The following OPRD1 variants were observed in gnomAD, a reference collection of about 807,000 sequenced individuals.
The protein encoded by OPRD1 is opioid receptor delta 1.
Under a neutral mutation model 17.5 loss-of-function variants are expected in OPRD1, and 19 were observed. The ratio of observed to expected loss-of-function variants is 1.09; its 90% CI spans 0.76 to 1.60. The LOEUF is 1.60. Among genes scored for constraint, OPRD1 ranks in the 40% most tolerant of loss-of-function variants. OPRD1 has a pLI of 0.00. For missense variants in OPRD1, 483 were observed against 547.2 expected, an observed-to-expected ratio of 0.88 and a Z score of 1.17; for synonymous variants, 256 against 240.9, an observed-to-expected ratio of 1.06 and a Z score of -0.58.
At chr1:28,852,157 C>A in intron 1 of OPRD1, among the ~76,000 whole-genome samples, 1 of 98,826 alleles carries the variant, frequency 1.0e-5, no homozygotes, top group East Asian at 3.6e-4. Flanking sequence ...ACAGAGCAAA[C>A]TCCATGTAAA....
chr1:28,869,760 C>T lies in OPRD1; in HGVS notation c.*6477C>T, dbSNP rs528872838. ...ACCGAGGGTCCTCAGGAGACTCTCA[C>T]ATCCAGCTCACAGTCACAGGCTGAG... is the stretch of plus-strand genomic sequence containing the variant. On this transcript the variant is annotated 3_prime_UTR_variant, in exon 3 of 3. Transcript: ENST00000234961. 3.9e-5 allele frequency: 6 copies of T among 152,344 alleles called. No homozygotes were observed. The highest frequency in any genetic ancestry group is 1.2e-4 in the African/African-American group (5 of 41,568). 9.4% of individuals were successfully genotyped at this position (152,344 alleles called of 1,614,324 possible). A position where few individuals can be genotyped will look rare whatever the true frequency, so the allele number is the denominator to read the frequency against.
intron 1 of OPRD1, among the ~76,000 whole-genome samples, chr1:28,855,015 G>A (rs548692578): frequency 1.6e-4 from 25 of 152,230 alleles, no homozygotes; most frequent in Non-Finnish European, 2.6e-4. Flanking sequence ...CAAAATGGAC[G>A]AAGTCTTCTG....
Position 28,863,107 on chromosome 1 carries a change from C to A in OPRD1, c.943C>A (p.Pro315Thr). The part of the protein sequence containing the change: ...ALGYANSSLN[P>T]VLYAFLDENF... ...GGGCTACGCCAATAGCAGCCTCAAC[C>A]CCGTGCTCTACGCTTTCCTCGACGA... Residue 315 changes from proline to threonine, a missense_variant, in exon 3 of 3, where the codon CCC becomes ACC. Transcript: ENST00000234961. 6.2e-7 allele frequency: 1 copy of A among 1,610,512 alleles called. No individual in the cohort carries two copies. The highest frequency in any genetic ancestry group is 8.5e-7 in the Non-Finnish European group (1 of 1,179,198).
chr1:28,815,205 T>G (rs980257411), intron 1 of OPRD1, among the ~76,000 whole-genome samples: 1 of 152,158 alleles, frequency 6.6e-6, no homozygotes, highest in Non-Finnish European at 1.5e-5. Context: ...CTCGACCTCC[T>G]GGGCTTAATG....
intron 1 of OPRD1, among the ~76,000 whole-genome samples, chr1:28,821,532 C>A (rs1172554536): frequency 6.6e-6 from 1 of 152,130 alleles, no homozygotes; most frequent in Non-Finnish European, 1.5e-5. Flanking sequence ...GCCGACACAC[C>A]CAGCTTTGTT....
At chr1:28,860,207 G>C (rs204081) in intron 2 of OPRD1, among the ~76,000 whole-genome samples, 2 of 151,870 alleles carry the variant, frequency 1.3e-5, no homozygotes. Context: ...TTTACTAAAA[G>C]TACAAAAATT....
intron 2 of OPRD1, among the ~76,000 whole-genome samples, chr1:28,862,515 G>A (rs1370705578): frequency 6.6e-6 from 1 of 152,170 alleles, no homozygotes; most frequent in Non-Finnish European, 1.5e-5. Flanking sequence ...AGAACATAGG[G>A]GACCTCCCTG....
chr1:28,847,315 G>T (rs2088962723), intron 1 of OPRD1, among the ~76,000 whole-genome samples: 1 of 151,992 alleles, frequency 6.6e-6, no homozygotes, highest in African/African-American at 2.4e-5. Context: ...GCCTCCCAAA[G>T]TGCTGGGATT....
At chr1:28,846,782 G>A (rs993562973) in intron 1 of OPRD1, among the ~76,000 whole-genome samples, 1 of 151,496 alleles carries the variant, frequency 6.6e-6, no homozygotes, top group Non-Finnish European at 1.5e-5. Context: ...AGGCCCCATT[G>A]TATTTATTCA....
chr1:28,857,561 T>A (rs1357415656), intron 1 of OPRD1, among the ~76,000 whole-genome samples: 1 of 151,892 alleles, frequency 6.6e-6, no homozygotes, highest in African/African-American at 2.4e-5. Context: ...CTCTGCCTCC[T>A]GGGCTCAAGC....
intron 1 of OPRD1, among the ~76,000 whole-genome samples, chr1:28,829,833 C>T (rs761363552): frequency 1.3e-5 from 2 of 152,138 alleles, no homozygotes; most frequent in African/African-American, 4.8e-5. Flanking sequence ...CCTCAGCCTC[C>T]GAAGTAGCTG....
At chr1:28,859,949 T>C (rs1433874863) in intron 2 of OPRD1, among the ~76,000 whole-genome samples, 1 of 152,184 alleles carries the variant, frequency 6.6e-6, no homozygotes, top group Non-Finnish European at 1.5e-5. Context: ...CACAATCCAG[T>C]GTGAGTAGGA....
chr1:28,860,054 G>A (rs1272646072), intron 2 of OPRD1, among the ~76,000 whole-genome samples: 2 of 152,166 alleles, frequency 1.3e-5, no homozygotes, highest in Non-Finnish European at 2.9e-5. Flanking sequence ...GAGAGGGAGC[G>A]AGGAGAAAGC....
chr1:28,831,099 C>T (rs1322103702), intron 1 of OPRD1, among the ~76,000 whole-genome samples: 1 of 152,216 alleles, frequency 6.6e-6, no homozygotes, highest in African/African-American at 2.4e-5. Context: ...CTGGGAAATA[C>T]CCCACATCTA....
chr1:28,849,569 C>T (rs1038496188), intron 1 of OPRD1, among the ~76,000 whole-genome samples: 10 of 152,298 alleles, frequency 6.6e-5, no homozygotes, highest in Admixed American at 2.6e-4. Flanking sequence ...TGCACACGCA[C>T]GGAGCTGCCA....
intron 1 of OPRD1, among the ~76,000 whole-genome samples, chr1:28,818,636 G>A (rs2088689125): frequency 6.6e-6 from 1 of 152,212 alleles, no homozygotes; most frequent in Non-Finnish European, 1.5e-5. Flanking sequence ...AGCAGGAAAG[G>A]CGTCGTAAGC....
In OPRD1 at chr1:28,862,967, G is replaced by A. The variant is rs1282253016; in HGVS notation, c.803G>A (p.Gly268Asp). 1 of 1,611,834 alleles carries A rather than the reference G, an allele frequency of 6.2e-7. No homozygotes were observed. The highest frequency in any genetic ancestry group is 1.7e-5 in the Admixed American group (1 of 59,664). Reference protein sequence around the residue: ...RITRMVLVVVGAFVVCWAPIH... With the variant: ...RITRMVLVVVDAFVVCWAPIH... The stretch of plus-strand genomic sequence containing the variant: ...ACGCGCATGGTGCTGGTGGTTGTGG[G>A]CGCCTTCGTGGTGTGTTGGGCGCCC... The change falls in exon 3 of 3, where the codon GGC becomes GAC. Residue 268 changes from glycine (G) to aspartate (D), a missense_variant. Gly to Asp is a moderately conservative substitution (Grantham distance 94, BLOSUM62 -1). Transcript: ENST00000234961.
intron 1 of OPRD1, among the ~76,000 whole-genome samples, chr1:28,847,321 G>A (rs1194980882): frequency 6.6e-6 from 1 of 152,098 alleles, no homozygotes; most frequent in Admixed American, 6.6e-5. Flanking sequence ...CAAAGTGCTG[G>A]GATTACAGCC....
intron 1 of OPRD1, among the ~76,000 whole-genome samples, chr1:28,854,374 A>T (rs1348811753): frequency 6.7e-6 from 1 of 149,364 alleles, no homozygotes; most frequent in Non-Finnish European, 1.5e-5. Flanking sequence ...CTATAGGCAC[A>T]CTCCACCATG....
Sources: gnomAD v4.1 joint callset for allele counts (sites outside exome capture counted in the v4.1 genomes callset) on GRCh38, gnomAD v4.1.1 for gene constraint, MANE v1.5 for transcripts, NCBI Gene and HGNC (gene_info 2026-07-23, HGNC 2026-07-21) for gene names.